RBFOX1: variants seen among roughly 807,000 people sequenced by gnomAD.
RBFOX1 encodes the protein RNA binding protein fox-1 homolog 1.
Under a neutral mutation model 57.7 loss-of-function variants are expected in RBFOX1, and 8 were observed. That is an observed-to-expected ratio of 0.14 (90% CI 0.08 to 0.25). The LOEUF (loss-of-function observed/expected upper bound fraction) is 0.25. Among genes scored for constraint, RBFOX1 ranks in the 10% least tolerant of loss-of-function variants. The pLI, the probability that RBFOX1 is intolerant of heterozygous loss-of-function variation, is 1.00. For synonymous variants in RBFOX1, 326 were observed against 222.4 expected, an observed-to-expected ratio of 1.47 and a Z score of -4.15; for missense variants, 611 against 548.5, an observed-to-expected ratio of 1.11 and a Z score of -1.14.
At chr16:6,011,028 G>T (rs2094958149) in intron 4 of RBFOX1, among the ~76,000 whole-genome samples, 1 of 152,096 alleles carries the variant, frequency 6.6e-6, no homozygotes, top group African/African-American at 2.4e-5. Flanking sequence ...TCTTTGTAAG[G>T]TTGCATATTT....
At chr16:5,403,472 G>A (rs2151444084) in intron 1 of RBFOX1, among the ~76,000 whole-genome samples, 1 of 152,066 alleles carries the variant, frequency 6.6e-6, no homozygotes, top group African/African-American at 2.4e-5. Context: ...GAGACGGAGT[G>A]TCACTGTGCT....
chr16:6,734,668 C>T (rs996503642), intron 3 of RBFOX1, among the ~76,000 whole-genome samples: 2 of 152,172 alleles, frequency 1.3e-5, no homozygotes, highest in African/African-American at 4.8e-5. Context: ...TCATTCTACA[C>T]ATATTTTATC....
chr16:7,064,132 G>C (rs139839745), intron 4 of RBFOX1, among the ~76,000 whole-genome samples: 3 of 150,714 alleles, frequency 2.0e-5, no homozygotes, highest in Admixed American at 1.3e-4. Flanking sequence ...GTCCATAAGC[G>C]TGGGCCCTAA....
intron 3 of RBFOX1, among the ~76,000 whole-genome samples, chr16:6,991,915 C>T (rs536483525): frequency 1.3e-5 from 2 of 152,288 alleles, no homozygotes; most frequent in Admixed American, 6.5e-5. Flanking sequence ...ATCCTACCCA[C>T]AGAGTTTCTG....
At chr16:6,050,270 A>G (rs1337357463) in intron 1 of RBFOX1, among the ~76,000 whole-genome samples, 1 of 152,156 alleles carries the variant, frequency 6.6e-6, no homozygotes, top group African/African-American at 2.4e-5. Flanking sequence ...TGTATTAAGC[A>G]TCTTTTAATC....
At chr16:6,893,919 G>A (rs1418155119) in intron 3 of RBFOX1, among the ~76,000 whole-genome samples, 1 of 152,178 alleles carries the variant, frequency 6.6e-6, no homozygotes, top group Non-Finnish European at 1.5e-5. Context: ...GGAGCAAGCT[G>A]ACCTGGAGAA....
At chr16:5,919,661 T>C (rs185147543) in intron 4 of RBFOX1, among the ~76,000 whole-genome samples, 75 of 152,234 alleles carry the variant, frequency 4.9e-4, no homozygotes, top group Non-Finnish European at 1.0e-3. Flanking sequence ...TTAAAGCGTA[T>C]AATTCCATGG....
At chr16:6,209,438 A>C (rs1297539050) in intron 1 of RBFOX1, among the ~76,000 whole-genome samples, 1 of 152,208 alleles carries the variant, frequency 6.6e-6, no homozygotes, top group Non-Finnish European at 1.5e-5. Context: ...TAATCCGTCT[A>C]TTTCCTTAGT....
chr16:5,457,254 C>T (rs897859595), intron 1 of RBFOX1, among the ~76,000 whole-genome samples: 2 of 152,170 alleles, frequency 1.3e-5, no homozygotes, highest in African/African-American at 4.8e-5. Context: ...CCTGCCTCAG[C>T]CTCCCAAGTA....
rs565565030 is a variant in RBFOX1 at position 6,195,781 on chromosome 16, G to A, written c.-126-121214G>A. Among the ~76,000 whole-genome samples, 93 of 152,198 alleles carry A rather than the reference G, an allele frequency of 6.1e-4. No homozygotes were observed. In the South Asian group the frequency reaches 0.019, roughly 31 times the overall value. On this transcript the variant is annotated intron_variant, in intron 1 of 15. Transcript: ENST00000550418. The stretch of plus-strand genomic sequence containing the variant: ...TATGTGCTCTCTCTGAGGTCATGGG[G>A]TGAGCAGGGATGCCAAAATATGCTT...
chr16:5,456,955 A>G (rs146569949), intron 1 of RBFOX1, among the ~76,000 whole-genome samples: 1 of 152,270 alleles, frequency 6.6e-6, no homozygotes, highest in African/African-American at 2.4e-5. Context: ...TTGGGCTGCT[A>G]TAACAAATAT....
intron 2 of RBFOX1, among the ~76,000 whole-genome samples, chr16:6,516,658 G>A (rs998368388): frequency 2.0e-5 from 3 of 152,154 alleles, no homozygotes; most frequent in African/African-American, 7.2e-5. Flanking sequence ...ACAATCTGTT[G>A]ATTGTCAAGA....
chr16:6,827,219 A>G (rs1260479416), intron 3 of RBFOX1, among the ~76,000 whole-genome samples: 3 of 151,688 alleles, frequency 2.0e-5, no homozygotes, highest in African/African-American at 7.3e-5. Context: ...TTTTTCTTCA[A>G]CTACTTTAAT....
chr16:7,380,779 TG>T (rs1195952736), intron 4 of RBFOX1, among the ~76,000 whole-genome samples: 1 of 152,160 alleles, frequency 6.6e-6, no homozygotes, highest in African/African-American at 2.4e-5. Context: ...AAATAAGAAA[TG>T]TAATAATAAA....
At chr16:6,688,362 A>G (rs1046335369) in intron 3 of RBFOX1, among the ~76,000 whole-genome samples, 1 of 152,184 alleles carries the variant, frequency 6.6e-6, no homozygotes, top group African/African-American at 2.4e-5. Flanking sequence ...ATCACCTCTC[A>G]TCAGGCCCCA....
intron 4 of RBFOX1, among the ~76,000 whole-genome samples, chr16:7,282,251 G>A (rs1477404091): frequency 6.6e-6 from 1 of 152,130 alleles, no homozygotes; most frequent in African/African-American, 2.4e-5. Flanking sequence ...CAGACTAACA[G>A]TCAGAGGAAC....
chr16:7,312,196 A>C (rs1432400261), intron 4 of RBFOX1, among the ~76,000 whole-genome samples: 1 of 152,218 alleles, frequency 6.6e-6, no homozygotes, highest in Non-Finnish European at 1.5e-5. Flanking sequence ...CCTGGCCTAC[A>C]TGGTGAAACC....
At position 6,767,949 on chromosome 16, in the gene RBFOX1, A is replaced by AT. The variant is rs1491137745; in HGVS notation, c.-16+113299_-16+113300insT. 3.8e-4 allele frequency among the ~76,000 whole-genome samples: 28 copies of AT among 74,460 alleles called. No homozygotes were observed. The East Asian group carries it at 5.9e-3, about 16-fold the overall frequency. 48.8% of individuals were successfully genotyped at this position (74,460 alleles called of 152,430 possible). On this transcript the variant is annotated intron_variant, in intron 3 of 15. Coordinates refer to ENST00000550418, the MANE Select transcript of RBFOX1 (RefSeq NM_018723.4). Reference sequence around the variant, plus strand: ...AATAATAATAATAATAATAATAATAAGAAGAAGAAGAAGAAGAAGAAGAAG... The same window carrying AT: ...AATAATAATAATAATAATAATAATAATGAAGAAGAAGAAGAAGAAGAAGAAG...
rs139912610 is a variant in RBFOX1, at chr16:6,565,166, A to C, written c.-63-89437A>C. ...AAAAGCATTTGCAACAGGGAAGGTA[A>C]ACTACAGTGATAACAAAATACTACT... On this transcript the variant is annotated intron_variant, in intron 2 of 15. Coordinates refer to ENST00000550418, the MANE Select transcript of RBFOX1 (RefSeq NM_018723.4). 4.7e-3 allele frequency among the ~76,000 whole-genome samples: 718 copies of C among 151,928 alleles called. 9 individuals carry two copies. The highest frequency in any genetic ancestry group is 0.016 in the African/African-American group (679 of 41,440).
Sources: allele counts gnomAD v4.1 joint callset (sites outside exome capture counted in the v4.1 genomes callset), GRCh38; gene constraint gnomAD v4.1.1; transcripts MANE v1.5; gene names NCBI Gene and HGNC (gene_info 2026-07-23, HGNC 2026-07-21).